RBFOX2: variants seen among roughly 807,000 people sequenced by gnomAD.
The protein encoded by RBFOX2 is RNA binding fox-1 homolog 2.
In RBFOX2, 10 loss-of-function variants were observed where a neutral mutation model predicts 49.1. The observed-to-expected ratio is 0.20, with a 90% CI of 0.13 to 0.35. The LOEUF (loss-of-function observed/expected upper bound fraction) is 0.35. RBFOX2 is among the 10% of genes least tolerant of loss of function. The probability of loss-of-function intolerance (pLI) is 1.00; values close to 1 mark genes in which losing one functional copy is unlikely to be tolerated. For missense variants in RBFOX2, 323 were observed against 486.9 expected (o/e 0.66, Z 3.17); for synonymous variants, 183 against 187.4 (o/e 0.98, Z 0.19).
chr22:35,899,424 G>A (rs529936995), intron 1 of RBFOX2, among the ~76,000 whole-genome samples: 1 of 151,618 alleles, frequency 6.6e-6, no homozygotes, highest in Non-Finnish European at 1.5e-5. Flanking sequence ...TTAAAATTAG[G>A]TGGTCAGTCT....
intron 1 of RBFOX2, among the ~76,000 whole-genome samples, chr22:36,006,289 T>G (rs2058615889): frequency 6.6e-6 from 1 of 152,116 alleles, no homozygotes; most frequent in Admixed American, 6.6e-5. Context: ...TCAAATATAA[T>G]CAAACAGAAC....
intron 1 of RBFOX2, among the ~76,000 whole-genome samples, chr22:35,951,320 A>G (rs2149844866): frequency 7.8e-6 from 1 of 129,026 alleles, no homozygotes; most frequent in East Asian, 2.2e-4. Context: ...ATCTTGGCTC[A>G]CTGCAACCTC....
chr22:35,868,991 C>A (rs535319200), intron 1 of RBFOX2, among the ~76,000 whole-genome samples: 7 of 152,240 alleles, frequency 4.6e-5, no homozygotes, highest in African/African-American at 1.4e-4. Flanking sequence ...GGTTAAAGGG[C>A]TTTACCTTTA....
intron 5 of RBFOX2, among the ~76,000 whole-genome samples, chr22:35,767,720 G>A (rs1033352799): frequency 9.9e-5 from 15 of 151,980 alleles, no homozygotes; most frequent in Admixed American, 1.3e-4. Context: ...AAAACTACAC[G>A]AGTTTTGGAT....
At chr22:35,869,469 C>CA (rs35854576) in intron 1 of RBFOX2, among the ~76,000 whole-genome samples, 1,635 of 30,546 alleles carry the variant, frequency 0.054, 585 homozygotes, top group Non-Finnish European at 0.077. Context: ...AACGGCTGAC[C>CA]AAAAAAAAAA....
chr22:36,012,764 T>C (rs2058872419), intron 1 of RBFOX2, among the ~76,000 whole-genome samples: 1 of 151,964 alleles, frequency 6.6e-6, no homozygotes, highest in Non-Finnish European at 1.5e-5. Context: ...TATCAGTTCT[T>C]TTTTTTGTTT....
chr22:35,923,544 A>T (rs573517721), intron 1 of RBFOX2, among the ~76,000 whole-genome samples: 1 of 152,060 alleles, frequency 6.6e-6, no homozygotes, highest in Non-Finnish European at 1.5e-5. Context: ...GCTAACTTCC[A>T]AATCTTTTCT....
At chr22:35,961,776 T>TCA (rs2056233545), upstream of RBFOX2, 1 of 1,184,412 alleles carries the variant, frequency 8.4e-7, no homozygotes, top group African/African-American at 1.6e-5. Flanking sequence ...GACGATGCTT[T>TCA]CAACAGGAAC....
chr22:35,740,654 A>G (rs1367226099), exon 12 of RBFOX2: 2 of 152,576 alleles, frequency 1.3e-5, no homozygotes, highest in Non-Finnish European at 2.9e-5. Context: ...GACTGGTCAA[A>G]GCTTCCCCTT....
intron 1 of RBFOX2, among the ~76,000 whole-genome samples, chr22:35,839,457 A>C (rs1958325300): frequency 6.6e-6 from 1 of 152,064 alleles, no homozygotes; most frequent in Admixed American, 6.6e-5. Flanking sequence ...GGAGTGGGAG[A>C]GAGAGAAGAG....
chr22:35,978,893 C>T (rs143078325), intron 1 of RBFOX2, among the ~76,000 whole-genome samples: 3 of 152,166 alleles, frequency 2.0e-5, no homozygotes, highest in East Asian at 1.9e-4. Flanking sequence ...TAGTCAATAG[C>T]GCTAAGGAGG....
At chr22:35,913,578 G>A (rs2050079060) in intron 1 of RBFOX2, among the ~76,000 whole-genome samples, 1 of 149,012 alleles carries the variant, frequency 6.7e-6, no homozygotes, top group African/African-American at 2.5e-5. Context: ...ATATATAGAT[G>A]GATAGAGATA....
chr22:35,815,104 G>A (rs1379529098), intron 1 of RBFOX2, among the ~76,000 whole-genome samples: 1 of 152,154 alleles, frequency 6.6e-6, no homozygotes, highest in Non-Finnish European at 1.5e-5. Flanking sequence ...ACCGACAGGT[G>A]ACTTTCAGTG....
At chr22:35,942,723 TAAA>T (rs35497151), upstream of RBFOX2, among the ~76,000 whole-genome samples, 3 of 129,666 alleles carry the variant, frequency 2.3e-5, no homozygotes, top group African/African-American at 2.9e-5. Flanking sequence ...TCCCATCTCT[TAAA>T]AAAAAAAAAA....
At chr22:35,905,477 T>C (rs892177845) in intron 1 of RBFOX2, among the ~76,000 whole-genome samples, 2 of 152,186 alleles carry the variant, frequency 1.3e-5, no homozygotes, top group Non-Finnish European at 2.9e-5. Flanking sequence ...TTTATAGTTA[T>C]ACAACACAAT....
rs1271220833 is a variant in RBFOX2, at chr22:35,989,567, G to T, written c.186+38673C>A. ...TATTTTAAGAAGGTGGCTTGTAGAA[G>T]GGAGGAGAGTGAAAAGCAGATGGAG... On this transcript the variant is annotated intron_variant, in intron 1 of 13. Coordinates refer to the RBFOX2 transcript ENST00000438146. 2.0e-5 allele frequency among the ~76,000 whole-genome samples: 3 copies of T among 152,144 alleles called. No individual in the cohort carries two copies. In the East Asian group the frequency reaches 5.8e-4, roughly 29 times the overall value.
chr22:35,885,950 G>A lies in RBFOX2; in HGVS notation c.-34+52897C>T, dbSNP rs12159006. ...GGGCTCACTGCAACCTCCACCTCCCGGGTCCACGCCATTCTCCTGCCTCAG... is the reference window on the plus strand; with the variant it reads ...GGGCTCACTGCAACCTCCACCTCCCAGGTCCACGCCATTCTCCTGCCTCAG... On this transcript the variant is annotated intron_variant, in intron 1 of 13. Transcript: ENST00000359369. 6.1e-3 allele frequency among the ~76,000 whole-genome samples: 842 copies of A among 137,990 alleles called. 2 individuals are homozygous for A. Among genetic ancestry groups the A allele is most frequent in the African/African-American group, 0.021 (768 of 37,154 alleles). 90.5% of individuals were successfully genotyped at this position (137,990 alleles called of 152,430 possible).
intron 1 of RBFOX2, among the ~76,000 whole-genome samples, chr22:36,013,472 G>C (rs561941105): frequency 6.6e-6 from 1 of 152,168 alleles, no homozygotes; most frequent in East Asian, 1.9e-4. Context: ...ATTTTACAAA[G>C]AAAGCTGAGG....
intron 11 of RBFOX2, among the ~76,000 whole-genome samples, chr22:35,744,549 C>A (rs62232586): frequency 6.6e-6 from 1 of 152,048 alleles, no homozygotes; most frequent in Admixed American, 6.6e-5. Flanking sequence ...AAACAAGTTC[C>A]GCAAAGAGTT....
Sources: allele counts gnomAD v4.1 joint callset (sites outside exome capture counted in the v4.1 genomes callset), GRCh38; gene constraint gnomAD v4.1.1; transcripts MANE v1.5; gene names NCBI Gene and HGNC (gene_info 2026-07-23, HGNC 2026-07-21).